The following ADA2 variants were observed in gnomAD, a reference collection of about 807,000 sequenced individuals.
The protein encoded by ADA2 is adenosine deaminase CECR1.
ADA2 carries 29 observed loss-of-function variants against 44.2 expected under a neutral mutation model. The observed-to-expected ratio is 0.66, with a 90% CI of 0.49 to 0.89. ADA2 has a LOEUF of 0.89. Among genes scored for constraint, ADA2 ranks in the 40% least tolerant of loss-of-function variants. The probability of loss-of-function intolerance (pLI) is 0.00; values close to 1 mark genes in which losing one functional copy is unlikely to be tolerated. For missense variants in ADA2, 637 were observed against 644.8 expected, an observed-to-expected ratio of 0.99 and a Z score of 0.13; for synonymous variants, 215 against 234.9, an observed-to-expected ratio of 0.92 and a Z score of 0.77.
chr22:17,198,694 G>A (rs1342559261), intron 4 of ADA2: 1 of 152,156 alleles, frequency 6.6e-6, no homozygotes, highest in Non-Finnish European at 1.5e-5. Flanking sequence ...CTCCATAAGT[G>A]CCAGCAGGGC....
At chr22:17,194,068 A>G (rs1047846605) in intron 4 of ADA2, among the ~76,000 whole-genome samples, 7 of 151,978 alleles carry the variant, frequency 4.6e-5, no homozygotes, top group Non-Finnish European at 8.8e-5. Flanking sequence ...AGAGAAGCAC[A>G]TGACCTCTCA....
intron 4 of ADA2, chr22:17,193,320 T>C (rs1484840519): frequency 6.2e-6 from 3 of 484,052 alleles, no homozygotes; most frequent in Non-Finnish European, 1.1e-5. Flanking sequence ...AGACAGCTCA[T>C]GTCCCCTTTT....
Position 17,207,225 on chromosome 22 carries a change from AG to A in ADA2, c.387del (p.Tyr130ThrfsTer54). The A allele has an allele frequency of 6.2e-7, 1 of 1,613,940 alleles. No individual in the cohort carries two copies. Among genetic ancestry groups the A allele is most frequent in the South Asian group, 1.1e-5 (1 of 91,082 alleles). ...VTMDWLVRNVTYRPHCHICFT... is the reference protein window; with the variant it reads ...VTMDWLVRNVXYRPHCHICFT... ...AAACAGATGTGGCAGTGAGGCCTGTAGGTGACATTCCTCACCAGCCAGTCCA... is the reference window on the plus strand; with the variant it reads ...AAACAGATGTGGCAGTGAGGCCTGTAGTGACATTCCTCACCAGCCAGTCCA... On this transcript the variant is annotated frameshift_variant, in exon 3 of 10. Coordinates refer to ENST00000399837, the MANE Select transcript of ADA2 (RefSeq NM_001282225.2). LOFTEE classifies it high-confidence loss of function.
chr22:17,182,978 TC>T (rs1236747870), intron 7 of ADA2, among the ~76,000 whole-genome samples: 1 of 152,234 alleles, frequency 6.6e-6, no homozygotes, highest in East Asian at 1.9e-4. Context: ...AAATTAATCA[TC>T]TAATTTATTA....
At chr22:17,182,130 C>A (rs1327235046) in intron 8 of ADA2, 108 bp from the exon 9 acceptor site, 1 of 833,968 alleles carries the variant, frequency 1.2e-6, no homozygotes, top group Non-Finnish European at 1.9e-6. Context: ...CTTCCCATCA[C>A]TATCTCCCCA....
chr22:17,183,148 A>G (rs2061992788), intron 7 of ADA2, among the ~76,000 whole-genome samples: 1 of 152,074 alleles, frequency 6.6e-6, no homozygotes, highest in Admixed American at 6.6e-5. Flanking sequence ...CAGTGGCACG[A>G]TCTCAGCTCA....
At chr22:17,181,695 A>G (rs1441796256) in intron 9 of ADA2, 119 bp from the exon 10 acceptor site, 3 of 1,083,230 alleles carry the variant, frequency 2.8e-6, no homozygotes, top group Non-Finnish European at 4.3e-6. Flanking sequence ...AGCAAGGACT[A>G]AACAGCCATG....
intron 6 of ADA2, among the ~76,000 whole-genome samples, chr22:17,188,960 TG>T (rs1183524193): frequency 6.8e-6 from 1 of 147,212 alleles, no homozygotes; most frequent in Non-Finnish European, 1.5e-5. Context: ...CCTCCCACCT[TG>T]GCCCCCCAAG....
intron 4 of ADA2, among the ~76,000 whole-genome samples, chr22:17,195,134 A>ACCAGTTGTTAAAATGGAATATAAGCC (rs1476726153): frequency 6.6e-6 from 1 of 152,170 alleles, no homozygotes; most frequent in East Asian, 1.9e-4. Context: ...ACAATTTATT[A>ACCAGTTGTTAAAATGGAATATAAGCC]CCAGTTGTTA....
intron 7 of ADA2, among the ~76,000 whole-genome samples, chr22:17,187,585 T>G (rs952699006): frequency 6.6e-6 from 1 of 151,648 alleles, no homozygotes; most frequent in African/African-American, 2.4e-5. Context: ...CCACTGTGCC[T>G]GTGCCCAGCC....
intron 3 of ADA2, 58 bp from the exon 4 acceptor site, chr22:17,203,831 G>C: frequency 1.7e-6 from 2 of 1,193,100 alleles, no homozygotes; most frequent in Non-Finnish European, 2.5e-6. Context: ...CTGCCCCCGG[G>C]CGCCCATAGG....
At chr22:17,191,192 T>A (rs1387348680) in intron 5 of ADA2, among the ~76,000 whole-genome samples, 1 of 152,060 alleles carries the variant, frequency 6.6e-6, no homozygotes, top group Non-Finnish European at 1.5e-5. Context: ...AAAGAGTGGG[T>A]CTTTCACCCA....
intron 4 of ADA2, 101 bp from the exon 5 acceptor site, chr22:17,191,911 C>A: frequency 4.4e-6 from 5 of 1,141,008 alleles, no homozygotes; most frequent in Non-Finnish European, 4.8e-6. Flanking sequence ...GCCACCCCTG[C>A]CCAACCACCC....
Position 17,182,805 on chromosome 22 carries a change from G to C in ADA2, c.1082-44C>G, listed in dbSNP as rs775528417. ...TCTTCCATGGGGGATGGATGGGTCTGGTCTTCCATGGGGGATGGATGGGTC... is the reference window on the plus strand; with the variant it reads ...TCTTCCATGGGGGATGGATGGGTCTCGTCTTCCATGGGGGATGGATGGGTC... On this transcript the variant is annotated intron_variant, in intron 7 of 9. Transcript: ENST00000399837. The C allele has an allele frequency of 3.7e-6, 6 of 1,603,490 alleles. No individual in the cohort carries two copies. In the South Asian group the frequency reaches 5.5e-5, roughly 15 times the overall value.
rs1416884032 is a variant in ADA2 at position 17,199,116 on chromosome 22, C to T, written c.753+4447G>A. On this transcript the variant is annotated intron_variant, in intron 4 of 9. Coordinates refer to ENST00000399837, the MANE Select transcript of ADA2 (RefSeq NM_001282225.2). ...AGACCCGAACAAATGGGCACATCCCCTCCCCCTCCCCCTCCACCAGAATCC... is the reference window on the plus strand; with the variant it reads ...AGACCCGAACAAATGGGCACATCCCTTCCCCCTCCCCCTCCACCAGAATCC... Among the ~76,000 whole-genome samples the T allele has an allele frequency of 4.6e-5, 7 of 152,138 alleles. No homozygotes were observed. The East Asian group carries it at 1.2e-3, about 25-fold the overall frequency.
chr22:17,188,886 T>TATATATATA (rs1491152456), intron 6 of ADA2, among the ~76,000 whole-genome samples: 4 of 59,614 alleles, frequency 6.7e-5, no homozygotes, highest in Non-Finnish European at 1.2e-4. Flanking sequence ...TATATATATA[T>TATATATATA]TTTGTAAAGA....
At chr22:17,203,509 G>T in intron 4 of ADA2, 54 bp downstream of exon 4, 1 of 1,422,238 alleles carries the variant, frequency 7.0e-7, no homozygotes, top group Non-Finnish European at 9.9e-7. Flanking sequence ...GCTAAGATCT[G>T]AGTCAGGCCA....
At chr22:17,215,702 A>G (rs1601469641) in intron 1 of ADA2, among the ~76,000 whole-genome samples, 1 of 152,342 alleles carries the variant, frequency 6.6e-6, no homozygotes, top group Admixed American at 6.5e-5. Flanking sequence ...ACACAGAAGG[A>G]CAAACACCGT....
At chr22:17,220,191 A>G (rs1206183475), upstream of ADA2, among the ~76,000 whole-genome samples, 2 of 152,034 alleles carry the variant, frequency 1.3e-5, no homozygotes, top group Non-Finnish European at 2.9e-5. Context: ...CTATAATAAA[A>G]TATATGTTTT....
Sources: gnomAD v4.1 joint callset for allele counts (sites outside exome capture counted in the v4.1 genomes callset) on GRCh38, gnomAD v4.1.1 for gene constraint, MANE v1.5 for transcripts, NCBI Gene and HGNC (gene_info 2026-07-23, HGNC 2026-07-21) for gene names.